ZBED6: variants seen among roughly 807,000 people sequenced by gnomAD.
ZBED6 encodes the protein zinc finger BED-type containing 6, also known as zinc finger BED domain-containing protein 6.
A neutral mutation model predicts 58.4 loss-of-function variants in ZBED6; 40 were observed. The observed-to-expected ratio is 0.68, with a 90% CI of 0.53 to 0.89. ZBED6 has a LOEUF of 0.89. Among genes scored for constraint, ZBED6 ranks in the 40% least tolerant of loss-of-function variants. The pLI is 0.00. For missense variants in ZBED6, 1,057 were observed against 1,003.9 expected, an observed-to-expected ratio of 1.05 and a Z score of -0.71; for synonymous variants, 439 against 350.6, an observed-to-expected ratio of 1.25 and a Z score of -2.82.
intron 7 of ZBED6, among the ~76,000 whole-genome samples, chr1:203,830,548 C>T (rs1019412642): frequency 1.3e-5 from 2 of 152,150 alleles, no homozygotes; most frequent in Admixed American, 1.3e-4. Context: ...CGTGGTGGCT[C>T]ACGCCTGTAA....
At chr1:203,798,580 C>T in exon 1 of ZBED6, 1 of 1,536,128 alleles carries the variant, frequency 6.5e-7, no homozygotes, top group Non-Finnish European at 8.7e-7. Flanking sequence ...GAAAAGTCTA[C>T]AGGCAGCCAA....
chr1:203,800,250 A>G (rs903611357), exon 1 of ZBED6: 12 of 1,166,068 alleles, frequency 1.0e-5, no homozygotes, highest in Middle Eastern at 1.9e-4. Flanking sequence ...AAGTTGCCCC[A>G]TGTGTAGTTG....
chr1:203,802,669 TTTTTTCATGATCCTTTAAC>T (rs1670882531), exon 1 of ZBED6: 1 of 152,382 alleles, frequency 6.6e-6, no homozygotes. Context: ...AGATGGAGTT[TTTTTTCATGATCCTTTAAC>T]TCTCAAGTTC....
chr1:203,841,796 TC>T (rs1308910792), intron 11 of ZBED6, among the ~76,000 whole-genome samples: 7 of 147,356 alleles, frequency 4.8e-5, no homozygotes, highest in Non-Finnish European at 8.9e-5. Flanking sequence ...CCCACCTCCC[TC>T]CCGGACGGGG....
chr1:203,838,098 G>A, intron 10 of ZBED6, 34 bp downstream of exon 10: 1 of 1,594,060 alleles, frequency 6.3e-7, no homozygotes, highest in Non-Finnish European at 8.6e-7. Context: ...GTGTGTGTAT[G>A]TAATTATGAC....
chr1:203,817,253 AG>A, intron 2 of ZBED6, 129 bp downstream of exon 2: 1 of 636,738 alleles, frequency 1.6e-6, no homozygotes, highest in Non-Finnish European at 2.5e-6. Context: ...ATTGGCTGTC[AG>A]TTTTTTAAAG....
intron 3 of ZBED6, 145 bp downstream of exon 3, chr1:203,818,834 C>T: frequency 7.7e-7 from 1 of 1,291,064 alleles, no homozygotes; most frequent in Non-Finnish European, 1.0e-6. Context: ...CTTTGGGAGG[C>T]TGAGGCGGGT....
chr1:203,824,920 CA>C (rs1342233845), intron 3 of ZBED6, among the ~76,000 whole-genome samples: 2 of 151,370 alleles, frequency 1.3e-5, no homozygotes, highest in South Asian at 4.2e-4. Context: ...ACTAAAAATA[CA>C]AAAAAATTAG....
At chr1:203,835,609 A>G in intron 9 of ZBED6, 1 of 188,168 alleles carries the variant, frequency 5.3e-6, no homozygotes, top group Admixed American at 6.0e-5. Flanking sequence ...AGCGTCACTC[A>G]GATTCTGTGT....
intron 3 of ZBED6, among the ~76,000 whole-genome samples, chr1:203,827,902 G>A (rs969951488): frequency 5.9e-5 from 9 of 152,058 alleles, no homozygotes; most frequent in Admixed American, 3.9e-4. Context: ...ATTTATTCCC[G>A]TTTTATAGCT....
intron 3 of ZBED6, among the ~76,000 whole-genome samples, chr1:203,819,013 G>A (rs1334054590): frequency 6.6e-6 from 1 of 150,776 alleles, no homozygotes; most frequent in East Asian, 2.0e-4. Flanking sequence ...AGGTTGCAGT[G>A]AGCTGAGATC....
chr1:203,816,764 T>C (rs1405323470), intron 1 of ZBED6, among the ~76,000 whole-genome samples, 162 bp from the exon 2 acceptor site: 1 of 152,196 alleles, frequency 6.6e-6, no homozygotes, highest in Non-Finnish European at 1.5e-5. Context: ...ACATTGTAGA[T>C]GGGAATGTAC....
exon 15 of ZBED6, chr1:203,850,673 G>A: frequency 6.2e-7 from 1 of 1,613,892 alleles, no homozygotes; most frequent in Non-Finnish European, 8.5e-7. Flanking sequence ...AGCCAAAAAG[G>A]CAGCTGTGGT....
intron 1 of ZBED6, among the ~76,000 whole-genome samples, chr1:203,810,461 C>A (rs1674033059): frequency 6.7e-6 from 1 of 149,548 alleles, no homozygotes; most frequent in Non-Finnish European, 1.5e-5. Flanking sequence ...ACTCTGTCGC[C>A]CAGGCTAGAG....
chr1:203,811,281 C>T (rs891977725), intron 1 of ZBED6, among the ~76,000 whole-genome samples: 21 of 152,084 alleles, frequency 1.4e-4, no homozygotes, highest in Non-Finnish European at 2.6e-4. Context: ...GCACTTCAGC[C>T]TGGGCAACAA....
intron 4 of ZBED6, 71 bp from the exon 5 acceptor site, chr1:203,829,380 T>G: frequency 6.8e-7 from 1 of 1,478,130 alleles, no homozygotes. Flanking sequence ...TTTTCATAGG[T>G]GGTCAGGAAT....
At chr1:203,836,648 C>T (rs1684434663) in intron 9 of ZBED6, among the ~76,000 whole-genome samples, 1 of 152,272 alleles carries the variant, frequency 6.6e-6, no homozygotes, top group East Asian at 1.9e-4. Flanking sequence ...TGGTGGCATG[C>T]GCCTGTAATT....
chr1:203,797,802 C>A (rs904831183), exon 1 of ZBED6: 3 of 1,535,912 alleles, frequency 2.0e-6, no homozygotes, highest in Non-Finnish European at 2.6e-6. Context: ...ATCTGGGAGG[C>A]CTGTTGCAGA....
At chr1:203,800,329 A>G in exon 1 of ZBED6, 2 of 873,578 alleles carry the variant, frequency 2.3e-6, no homozygotes, top group Non-Finnish European at 1.8e-6. Context: ...CTGGACTTTG[A>G]CAATATAGAA....
Sources: gnomAD v4.1 joint callset for allele counts (sites outside exome capture counted in the v4.1 genomes callset) on GRCh38, gnomAD v4.1.1 for gene constraint, MANE v1.5 for transcripts, NCBI Gene and HGNC (gene_info 2026-07-23, HGNC 2026-07-21) for gene names.